TCF12: variants seen among roughly 807,000 people sequenced by gnomAD.
The protein encoded by TCF12 is transcription factor 12.
In TCF12, 45 loss-of-function variants were observed where a neutral mutation model predicts 86.0. The ratio of observed to expected loss-of-function variants is 0.52; its 90% CI spans 0.41 to 0.67. The LOEUF (loss-of-function observed/expected upper bound fraction) is 0.67, where lower values mean the gene tolerates loss of function less well. TCF12 is among the 30% of genes least tolerant of loss of function. TCF12 has a pLI of 0.00. For missense variants in TCF12, 881 were observed against 859.9 expected (o/e 1.02, Z -0.31); for synonymous variants, 330 against 299.6 (o/e 1.10, Z -1.05).
intron 6 of TCF12, among the ~76,000 whole-genome samples, chr15:57,175,986 A>ATC (rs1163905716): frequency 3.9e-5 from 6 of 152,324 alleles, no homozygotes; most frequent in African/African-American, 1.4e-4. Context: ...GAGGGTAGAC[A>ATC]TCTACTTTAC....
intron 8 of TCF12, among the ~76,000 whole-genome samples, chr15:57,208,394 T>TTTTC (rs2057950294): frequency 7.5e-6 from 1 of 132,862 alleles, no homozygotes; most frequent in Non-Finnish European, 1.6e-5. Flanking sequence ...TTTTTTTTTT[T>TTTTC]TTTTTGGAGA....
intron 3 of TCF12, among the ~76,000 whole-genome samples, chr15:57,014,058 T>C (rs926352467): frequency 6.6e-6 from 1 of 152,316 alleles, no homozygotes; most frequent in South Asian, 2.1e-4. Context: ...CATTGTTGTG[T>C]TGCGATGATC....
intron 5 of TCF12, among the ~76,000 whole-genome samples, chr15:57,121,580 C>T (rs1340653240): frequency 6.6e-6 from 1 of 152,156 alleles, no homozygotes; most frequent in Non-Finnish European, 1.5e-5. Context: ...GAGGACACAG[C>T]GTTTATCTCT....
chr15:57,105,762 G>C (rs1831242250), intron 5 of TCF12, among the ~76,000 whole-genome samples: 2 of 152,136 alleles, frequency 1.3e-5, no homozygotes, highest in Non-Finnish European at 2.9e-5. Flanking sequence ...TTATGCTCTT[G>C]AACAAGTCAC....
chr15:57,105,535 C>T (rs1176099810), intron 5 of TCF12, among the ~76,000 whole-genome samples: 1 of 152,050 alleles, frequency 6.6e-6, no homozygotes, highest in African/African-American at 2.4e-5. Flanking sequence ...GCCTCAGCCT[C>T]CCGAATAGCT....
chr15:57,290,564 G>A (rs2062061071), downstream of TCF12, among the ~76,000 whole-genome samples: 1 of 152,138 alleles, frequency 6.6e-6, no homozygotes, highest in Non-Finnish European at 1.5e-5. Context: ...TTAAAAGAAG[G>A]GCAAGTAAGG....
At chr15:57,188,221 A>T (rs1461190544) in intron 6 of TCF12, among the ~76,000 whole-genome samples, 2 of 151,498 alleles carry the variant, frequency 1.3e-5, no homozygotes, top group African/African-American at 2.4e-5. Flanking sequence ...AATTTCTTTA[A>T]TTTTTTTTTC....
chr15:57,252,606 A>T, intron 15 of TCF12, 114 bp downstream of exon 15: 2 of 861,080 alleles, frequency 2.3e-6, no homozygotes, highest in Non-Finnish European at 3.6e-6. Context: ...CAAACAGTTG[A>T]CTGTTTCAGT....
At chr15:56,959,032 A>G (rs1244191596) in intron 3 of TCF12, among the ~76,000 whole-genome samples, 1 of 152,140 alleles carries the variant, frequency 6.6e-6, no homozygotes, top group Non-Finnish European at 1.5e-5. Context: ...TTATTGGGTC[A>G]TACCTTATTT....
At chr15:57,051,443 A>G (rs1187072206) in intron 3 of TCF12, among the ~76,000 whole-genome samples, 1 of 148,338 alleles carries the variant, frequency 6.7e-6, no homozygotes, top group Non-Finnish European at 1.5e-5. Context: ...TCACATTGGC[A>G]TTCTCAAATT....
Position 57,263,291 on chromosome 15 carries a change from A to G in TCF12, c.1745+17A>G. ...CAGAACAAGGTATTTGTTAGCATCC[A>G]GGTTTTAAATTTTATTCATTTTCCA... On this transcript the variant is annotated intron_variant, in intron 18 of 20. Coordinates refer to ENST00000333725, the MANE Select transcript of TCF12 (RefSeq NM_207037.2). 6.3e-7 allele frequency: 1 copy of G among 1,592,068 alleles called. No individual in the cohort carries two copies. Among genetic ancestry groups the G allele is most frequent in the Non-Finnish European group, 8.5e-7 (1 of 1,175,404 alleles).
intron 18 of TCF12, among the ~76,000 whole-genome samples, chr15:57,268,885 A>G (rs373158372): frequency 4.0e-5 from 6 of 150,772 alleles, no homozygotes; most frequent in East Asian, 3.9e-4. Flanking sequence ...GGTCTGAGAG[A>G]CGTTTTGTTG....
At chr15:57,163,562 G>A (rs1041442024) in intron 5 of TCF12, among the ~76,000 whole-genome samples, 6 of 152,010 alleles carry the variant, frequency 3.9e-5, no homozygotes, top group African/African-American at 1.2e-4. Flanking sequence ...AGAAAATTAG[G>A]CGTGTTGGCA....
chr15:57,278,191 C>G (rs2061493409), intron 19 of TCF12, among the ~76,000 whole-genome samples: 1 of 151,900 alleles, frequency 6.6e-6, no homozygotes, highest in Non-Finnish European at 1.5e-5. Context: ...AGTGCATAAT[C>G]AACAAAGACA....
chr15:57,203,752 G>C (rs2057672046), intron 8 of TCF12, among the ~76,000 whole-genome samples: 2 of 152,120 alleles, frequency 1.3e-5, no homozygotes, highest in African/African-American at 4.8e-5. Context: ...ACCCCATCAA[G>C]AAAAATATTT....
chr15:57,283,890 C>G (rs565306093), intron 20 of TCF12, among the ~76,000 whole-genome samples: 50 of 152,168 alleles, frequency 3.3e-4, no homozygotes, highest in African/African-American at 1.2e-3. Flanking sequence ...TCAAACCAGA[C>G]CACAAAGAAG....
At chr15:57,070,933 A>T (rs1427816087) in intron 4 of TCF12, among the ~76,000 whole-genome samples, 1 of 152,156 alleles carries the variant, frequency 6.6e-6, no homozygotes, top group Non-Finnish European at 1.5e-5. Context: ...AACAGAGTCC[A>T]GTGGCATAAG....
chr15:57,284,693 G>A (rs73417444), intron 20 of TCF12, among the ~76,000 whole-genome samples: 1 of 152,194 alleles, frequency 6.6e-6, no homozygotes, highest in Non-Finnish European at 1.5e-5. Flanking sequence ...ACTTCTCTTG[G>A]AGCCTGTGTC....
chr15:56,976,747 A>T lies in TCF12; in HGVS notation c.148+55649A>T, dbSNP rs2062627151. 3.3e-5 allele frequency among the ~76,000 whole-genome samples: 5 copies of T among 152,180 alleles called. No homozygotes were observed. In the South Asian group the frequency reaches 1.0e-3, roughly 32 times the overall value. Reference sequence around the variant, plus strand: ...GAATCTTAATCAGATCAAACATCTAAATTCACCTAGTAACTTAAGGGAAAT... The same window carrying T: ...GAATCTTAATCAGATCAAACATCTATATTCACCTAGTAACTTAAGGGAAAT... On this transcript the variant is annotated intron_variant, in intron 3 of 20. Coordinates refer to ENST00000333725, the MANE Select transcript of TCF12 (RefSeq NM_207037.2).
Sources: gnomAD v4.1 joint callset for allele counts (sites outside exome capture counted in the v4.1 genomes callset) on GRCh38, gnomAD v4.1.1 for gene constraint, MANE v1.5 for transcripts, NCBI Gene and HGNC (gene_info 2026-07-23, HGNC 2026-07-21) for gene names.